HECW1: variants seen among roughly 807,000 people sequenced by gnomAD.
The protein encoded by HECW1 is HECT, C2 and WW domain containing E3 ubiquitin protein ligase 1.
HECW1 carries 61 observed loss-of-function variants against 182.3 expected under a neutral mutation model. That is an observed-to-expected ratio of 0.33 (90% CI 0.27 to 0.41). HECW1 has a LOEUF of 0.41. HECW1 is among the 10% of genes least tolerant of loss of function. The pLI, the probability that HECW1 is intolerant of heterozygous loss-of-function variation, is 1.00. For synonymous variants in HECW1, 859 were observed against 832.6 expected, an observed-to-expected ratio of 1.03 and a Z score of -0.55; for missense variants, 1,739 against 2,108.9, an observed-to-expected ratio of 0.82 and a Z score of 3.44.
At chr7:43,218,378 A>T (rs1796628029) in intron 2 of HECW1, among the ~76,000 whole-genome samples, 1 of 152,332 alleles carries the variant, frequency 6.6e-6, no homozygotes, top group South Asian at 2.1e-4. Flanking sequence ...TCCAAACAAG[A>T]GGACAAGACG....
chr7:43,361,057 CGTGTGTGTGT>C (rs3032904), intron 6 of HECW1, 77 bp downstream of exon 6: 3,677 of 636,862 alleles, frequency 5.8e-3, no homozygotes, highest in East Asian at 0.026. Flanking sequence ...CTTGTGCGTG[CGTGTGTGTGT>C]GTGTGTGTGT....
In HECW1 at chr7:43,159,193, TA is replaced by T. The variant is rs1365000643; in HGVS notation, c.-32+44803del. 6.8e-5 allele frequency among the ~76,000 whole-genome samples: 10 copies of T among 148,102 alleles called. No individual in the cohort carries two copies. In the East Asian group the frequency reaches 1.2e-3, roughly 18 times the overall value. On this transcript the variant is annotated intron_variant, in intron 2 of 29. Coordinates refer to ENST00000395891, the MANE Select transcript of HECW1 (RefSeq NM_015052.5). ...TACCTTTGTTCATTTTCTTTTTTTT[TA>T]TTATTATACTTTAAGTTCTAGGGTA...
At chr7:43,491,951 C>G in intron 17 of HECW1, 124 bp from the exon 18 acceptor site, 1 of 663,528 alleles carries the variant, frequency 1.5e-6, no homozygotes, top group Non-Finnish European at 2.6e-6. Context: ...TTTTCCATCA[C>G]TTTTTTACTT....
At chr7:43,456,597 T>G (rs1359022710) in intron 13 of HECW1, 150 bp downstream of exon 13, 7 of 716,516 alleles carry the variant, frequency 9.8e-6, no homozygotes, top group Non-Finnish European at 1.4e-5. Flanking sequence ...TAGTAGGTAT[T>G]TGGAAAGCTA....
chr7:43,203,089 C>A (rs535785130), intron 2 of HECW1, among the ~76,000 whole-genome samples: 2 of 152,154 alleles, frequency 1.3e-5, no homozygotes, highest in African/African-American at 4.8e-5. Flanking sequence ...TTCACACGGA[C>A]GCGCGTGACA....
chr7:43,338,094 C>T (rs17796805), intron 5 of HECW1, among the ~76,000 whole-genome samples: 4,389 of 152,286 alleles, frequency 0.029, 159 homozygotes, highest in East Asian at 0.18. Flanking sequence ...TAGATTGAAA[C>T]ACAGAGACCT....
intron 5 of HECW1, among the ~76,000 whole-genome samples, chr7:43,359,066 T>C (rs769006740): frequency 1.3e-5 from 2 of 152,134 alleles, no homozygotes; most frequent in Non-Finnish European, 2.9e-5. Flanking sequence ...CCACAAATGA[T>C]CCACCCACCT....
At chr7:43,126,560 C>T (rs1786265789) in intron 2 of HECW1, among the ~76,000 whole-genome samples, 1 of 152,176 alleles carries the variant, frequency 6.6e-6, no homozygotes, top group South Asian at 2.1e-4. Flanking sequence ...ATTGACCTAA[C>T]TGCTGATTTA....
intron 17 of HECW1, among the ~76,000 whole-genome samples, chr7:43,484,890 G>A (rs1373168112): frequency 1.3e-5 from 2 of 152,210 alleles, no homozygotes; most frequent in African/African-American, 4.8e-5. Context: ...ACCAGAATAG[G>A]TCACAGATAA....
intron 2 of HECW1, among the ~76,000 whole-genome samples, chr7:43,193,016 C>T (rs1431458134): frequency 6.6e-6 from 1 of 152,198 alleles, no homozygotes; most frequent in East Asian, 1.9e-4. Context: ...ATGATGGTTG[C>T]ATTATTCATG....
At chr7:43,489,983 T>C (rs2078867299) in intron 17 of HECW1, among the ~76,000 whole-genome samples, 1 of 152,212 alleles carries the variant, frequency 6.6e-6, no homozygotes, top group African/African-American at 2.4e-5. Flanking sequence ...GAAATGTCTT[T>C]CCTTTTTTTT....
At chr7:43,188,972 G>T (rs1167936190) in intron 2 of HECW1, among the ~76,000 whole-genome samples, 1 of 152,196 alleles carries the variant, frequency 6.6e-6, no homozygotes, top group Non-Finnish European at 1.5e-5. Flanking sequence ...ATTCCTAGAA[G>T]CTGTCTTCCC....
At chr7:43,322,188 G>A (rs1047635097) in intron 5 of HECW1, among the ~76,000 whole-genome samples, 1 of 152,174 alleles carries the variant, frequency 6.6e-6, no homozygotes, top group African/African-American at 2.4e-5. Flanking sequence ...TGCTGACTCA[G>A]CCTCCCGCGT....
At chr7:43,201,770 C>A (rs1478630132) in intron 2 of HECW1, among the ~76,000 whole-genome samples, 1 of 152,104 alleles carries the variant, frequency 6.6e-6, no homozygotes, top group Non-Finnish European at 1.5e-5. Context: ...GAGAGAAATA[C>A]CTATGCTGAA....
intron 3 of HECW1, among the ~76,000 whole-genome samples, chr7:43,295,807 G>A (rs1230028560): frequency 6.6e-6 from 1 of 152,084 alleles, no homozygotes. Context: ...TTCATTGTAA[G>A]CCCATTTATA....
intron 13 of HECW1, among the ~76,000 whole-genome samples, chr7:43,462,065 G>T (rs75702545): frequency 0.17 from 26,523 of 152,206 alleles, 2,692 homozygotes; most frequent in South Asian, 0.23. Flanking sequence ...AGGAAAGAGC[G>T]GGGCACTGGT....
At position 43,319,865 on chromosome 7, in the gene HECW1, G is replaced by C. The variant is rs991103957; in HGVS notation, c.353-770G>C. ...TGACCTCAGGTGATCTTCCCACCTC[G>C]GCCTCTCAAAGTGCTGGGATTACAG... On this transcript the variant is annotated intron_variant, in intron 4 of 29. Coordinates refer to ENST00000395891, the MANE Select transcript of HECW1 (RefSeq NM_015052.5). Among the ~76,000 whole-genome samples the C allele has an allele frequency of 4.1e-5, 6 of 145,780 alleles. No individual in the cohort carries two copies. The East Asian group carries it at 1.2e-3, about 30-fold the overall frequency.
At position 43,509,005 on chromosome 7, in the gene HECW1, C is replaced by T. The variant is rs1266720274; in HGVS notation, c.3903C>T (p.Phe1301=). 3 of 1,614,138 alleles carry T rather than the reference C, an allele frequency of 1.9e-6. No homozygotes were observed. ...DYSGPSREFF[F]LLSQELFNPY... is the part of the protein sequence containing the mutation. Reference sequence around the variant, plus strand: ...GTGGCCCCTCGCGGGAGTTCTTCTTCCTTCTGTCTCAGGAGCTCTTCAACC... The same window carrying T: ...GTGGCCCCTCGCGGGAGTTCTTCTTTCTTCTGTCTCAGGAGCTCTTCAACC... Residue 1301 remains phenylalanine (F), a synonymous_variant, in exon 24 of 30, where the codon TTC becomes TTT. Coordinates refer to ENST00000395891, the MANE Select transcript of HECW1 (RefSeq NM_015052.5).
chr7:43,225,582 A>C (rs1797350714), intron 2 of HECW1, among the ~76,000 whole-genome samples: 1 of 152,286 alleles, frequency 6.6e-6, no homozygotes, highest in African/African-American at 2.4e-5. Flanking sequence ...AAACCAGAAA[A>C]CCCGAGATGC....
Sources: allele counts gnomAD v4.1 joint callset (sites outside exome capture counted in the v4.1 genomes callset), GRCh38; gene constraint gnomAD v4.1.1; transcripts MANE v1.5; gene names NCBI Gene and HGNC (gene_info 2026-07-23, HGNC 2026-07-21).